The following RPS6KA2 variants were observed in gnomAD, a reference collection of about 807,000 sequenced individuals.
RPS6KA2 encodes the protein ribosomal protein S6 kinase A2, also known as ribosomal protein S6 kinase alpha-2.
A neutral mutation model predicts 91.8 loss-of-function variants in RPS6KA2; 42 were observed. That is an observed-to-expected ratio of 0.46 (90% CI 0.36 to 0.59). The LOEUF is 0.59. RPS6KA2 is among the 20% of genes least tolerant of loss of function. The pLI is 0.00. For synonymous variants in RPS6KA2, 414 were observed against 393.6 expected, an observed-to-expected ratio of 1.05 and a Z score of -0.61; for missense variants, 798 against 978.5, an observed-to-expected ratio of 0.82 and a Z score of 2.46.
intron 2 of RPS6KA2, among the ~76,000 whole-genome samples, chr6:166,754,810 C>T (rs1489025084): frequency 6.6e-6 from 1 of 152,156 alleles, no homozygotes; most frequent in East Asian, 1.9e-4. Context: ...GTGCTGCACC[C>T]TCCCAATGCC....
At position 166,770,930 on chromosome 6, in the gene RPS6KA2, G is replaced by A. The variant is rs1279528665; in HGVS notation, c.123+87270C>T. On this transcript the variant is annotated intron_variant, in intron 2 of 21. Transcript: ENST00000503859. This position sits in a 1 kb window ranked among gnomAD's most constrained non-coding sequence, Gnocchi z 5.1. ...ACTTTTGCCCTGTGAAAATGGAAAC[G>A]AAGAAAGAATTCCTTTAAGTCACAG... The A allele has an allele frequency of 3.8e-6, 6 of 1,593,102 alleles. No homozygotes were observed. Among genetic ancestry groups the A allele is most frequent in the East Asian group, 2.2e-5 (1 of 44,864 alleles).
At chr6:166,810,657 C>T (rs944739077) in intron 2 of RPS6KA2, among the ~76,000 whole-genome samples, 11 of 152,160 alleles carry the variant, frequency 7.2e-5, no homozygotes, top group Admixed American at 5.2e-4. Flanking sequence ...GGCCTGTTAC[C>T]GGGGTTAACC....
intron 1 of RPS6KA2, among the ~76,000 whole-genome samples, chr6:166,609,513 T>C (rs1786083621): frequency 1.3e-5 from 2 of 151,904 alleles, no homozygotes; most frequent in Admixed American, 1.3e-4. Context: ...TTAATTTTTT[T>C]TTTTTTTTTT....
chr6:166,616,402 G>GA (rs141515964), intron 1 of RPS6KA2, among the ~76,000 whole-genome samples: 9,620 of 152,104 alleles, frequency 0.063, 944 homozygotes, highest in African/African-American at 0.21. Flanking sequence ...CACCACTAAC[G>GA]GGACCCGCCC....
intron 2 of RPS6KA2, among the ~76,000 whole-genome samples, chr6:166,652,338 A>G (rs1309005927): frequency 6.6e-6 from 1 of 152,246 alleles, no homozygotes; most frequent in Non-Finnish European, 1.5e-5. Context: ...GTCCTTGGGA[A>G]GTATACAACT....
intron 2 of RPS6KA2, chr6:166,757,708 AC>A (rs1342689217): frequency 2.4e-6 from 1 of 409,438 alleles, no homozygotes; most frequent in African/African-American, 2.1e-5. Flanking sequence ...CACCCCGCAC[AC>A]CTCCTCTTCC....
intron 2 of RPS6KA2, among the ~76,000 whole-genome samples, chr6:166,807,361 G>A (rs1779518117): frequency 6.6e-6 from 1 of 152,070 alleles, no homozygotes; most frequent in Non-Finnish European, 1.5e-5. Flanking sequence ...TGTTGACTCT[G>A]CCTTCCAAAT....
At chr6:166,468,780 C>T (rs545921301) in intron 11 of RPS6KA2, among the ~76,000 whole-genome samples, 3 of 136,948 alleles carry the variant, frequency 2.2e-5, no homozygotes, top group African/African-American at 8.5e-5. Context: ...AGGAGAATGG[C>T]GTGAATCTGG....
intron 2 of RPS6KA2, among the ~76,000 whole-genome samples, chr6:166,674,795 A>G (rs1282522083): frequency 6.6e-6 from 1 of 152,008 alleles, no homozygotes; most frequent in Non-Finnish European, 1.5e-5. Context: ...CAGCCTCTCA[A>G]GTAGCTGGGA....
At chr6:166,608,839 G>T (rs1786050262) in intron 1 of RPS6KA2, among the ~76,000 whole-genome samples, 1 of 151,962 alleles carries the variant, frequency 6.6e-6, no homozygotes, top group South Asian at 2.1e-4. Flanking sequence ...TATATATTTA[G>T]GCCCAAAGTC....
At position 166,662,889 on chromosome 6, in the gene RPS6KA2, G is replaced by A. The variant is rs1399783967; in HGVS notation, c.124-124105C>T. ...ACTGCTGTCCTTAGAAGAAGAGGAA[G>A]TCTGAATACGCAGAGACACCGGGGC... On this transcript the variant is annotated intron_variant, in intron 2 of 21. Transcript: ENST00000503859. This position sits in a 1 kb window ranked among gnomAD's most constrained non-coding sequence, Gnocchi z 4.3. 6.6e-6 allele frequency among the ~76,000 whole-genome samples: 1 copy of A among 152,134 alleles called. No homozygotes were observed. The highest frequency in any genetic ancestry group is 2.4e-5 in the African/African-American group (1 of 41,424).
Position 166,648,673 on chromosome 6 carries a change from G to A in RPS6KA2, c.124-109889C>T, listed in dbSNP as rs1023537678. ...GCCCTCTCTCACTAGCTGGAATCCC[G>A]TCTCCAACTCTCTGCAGCCGACTCC... On this transcript the variant is annotated intron_variant, in intron 2 of 21. Coordinates refer to the RPS6KA2 transcript ENST00000503859. This position sits in a 1 kb window ranked among gnomAD's most constrained non-coding sequence, Gnocchi z 4.8. Among the ~76,000 whole-genome samples, 4 of 151,978 alleles carry A rather than the reference G, an allele frequency of 2.6e-5. No individual in the cohort carries two copies. The highest frequency in any genetic ancestry group is 7.3e-5 in the African/African-American group (3 of 41,354).
At chr6:166,644,266 G>A (rs1787536007) in intron 2 of RPS6KA2, among the ~76,000 whole-genome samples, 1 of 152,104 alleles carries the variant, frequency 6.6e-6, no homozygotes, top group African/African-American at 2.4e-5. Context: ...AAAACGAAAA[G>A]AAAGGGAATT....
intron 10 of RPS6KA2, among the ~76,000 whole-genome samples, chr6:166,471,226 C>T (rs1432500914): frequency 2.0e-5 from 3 of 152,200 alleles, no homozygotes; most frequent in Non-Finnish European, 4.4e-5. Context: ...AGGTGTGGCC[C>T]GGCCTGTCCG....
At chr6:166,642,044 A>G (rs1787454408) in intron 2 of RPS6KA2, among the ~76,000 whole-genome samples, 2 of 152,114 alleles carry the variant, frequency 1.3e-5, no homozygotes, top group Admixed American at 6.5e-5. Flanking sequence ...CATATTTATA[A>G]AGACCCCCAA....
At chr6:166,657,065 C>T (rs571518715) in intron 2 of RPS6KA2, among the ~76,000 whole-genome samples, 1 of 152,032 alleles carries the variant, frequency 6.6e-6, no homozygotes, top group African/African-American at 2.4e-5. Context: ...GGGAAGAGCC[C>T]CACCCCCAAC....
chr6:166,522,577 G>A (rs531375923), intron 3 of RPS6KA2, among the ~76,000 whole-genome samples: 17 of 152,196 alleles, frequency 1.1e-4, no homozygotes, highest in South Asian at 4.1e-4. Flanking sequence ...TGGAGAGTGC[G>A]GGCTGTGCTA....
In RPS6KA2 at chr6:166,615,452, G is replaced by A. The variant is rs529995518; in HGVS notation, c.99+11469C>T. 5.9e-5 allele frequency among the ~76,000 whole-genome samples: 9 copies of A among 152,342 alleles called. No homozygotes were observed. In the South Asian group the frequency reaches 1.0e-3, roughly 18 times the overall value. On this transcript the variant is annotated intron_variant, in intron 1 of 20. Transcript: ENST00000265678. Reference sequence around the variant, plus strand: ...ATTTCTGAAGATGATTGAAGATATCGGAGGGGATGCCTTTTTCTTTTTAAT... The same window carrying A: ...ATTTCTGAAGATGATTGAAGATATCAGAGGGGATGCCTTTTTCTTTTTAAT...
At chr6:166,784,194 CGCA>C (rs1390525860) in intron 2 of RPS6KA2, among the ~76,000 whole-genome samples, 200 of 464 alleles carry the variant, frequency 0.43, 89 homozygotes, top group East Asian at 1. Context: ...TGCACACCTA[CGCA>C]TAACCACATA....
Sources: allele counts gnomAD v4.1 joint callset (sites outside exome capture counted in the v4.1 genomes callset), GRCh38; gene constraint gnomAD v4.1.1; non-coding constraint Gnocchi (gnomAD v3.1); transcripts MANE v1.5; gene names NCBI Gene and HGNC (gene_info 2026-07-23, HGNC 2026-07-21).